SORBS2: variants seen among roughly 807,000 people sequenced by gnomAD.
SORBS2 encodes sorbin and SH3 domain-containing protein 2.
SORBS2 carries 46 observed loss-of-function variants against 97.7 expected under a neutral mutation model. The observed-to-expected ratio is 0.47, with a 90% CI of 0.37 to 0.60. SORBS2 has a LOEUF of 0.60. SORBS2 is among the 20% of genes least tolerant of loss of function. The probability of loss-of-function intolerance (pLI) is 0.00; values close to 1 mark genes in which losing one functional copy is unlikely to be tolerated. For missense variants in SORBS2, 1,316 were observed against 1,282.3 expected (o/e 1.03, Z -0.40); for synonymous variants, 476 against 473.4 (o/e 1.01, Z -0.07).
At position 185,792,854 on chromosome 4, in the gene SORBS2, G is replaced by A. The variant is rs373837660; in HGVS notation, c.-337-17488C>T. 1.3e-4 allele frequency among the ~76,000 whole-genome samples: 20 copies of A among 152,298 alleles called. No individual in the cohort carries two copies. The East Asian group carries it at 2.7e-3, about 21-fold the overall frequency. On this transcript the variant is annotated intron_variant, in intron 1 of 20. Transcript: ENST00000284776. ...GGCAGTCTAGAAAACTGTTGACAGT[G>A]CAGGGTTTGGAATGTGGCCGACTCA...
At chr4:185,935,790 T>A (rs1247222368) in intron 1 of SORBS2, among the ~76,000 whole-genome samples, 1 of 152,126 alleles carries the variant, frequency 6.6e-6, no homozygotes, top group Non-Finnish European at 1.5e-5. Flanking sequence ...CAGAGCATCA[T>A]GGGAGAATGT....
chr4:185,862,657 A>G (rs1200189136), intron 1 of SORBS2, among the ~76,000 whole-genome samples: 2 of 152,228 alleles, frequency 1.3e-5, no homozygotes. Flanking sequence ...AACAGTTAAT[A>G]GTATTTCACA....
intron 2 of SORBS2, chr4:185,773,865 A>T (rs936603514): frequency 5.9e-5 from 9 of 152,102 alleles, no homozygotes; most frequent in Non-Finnish European, 1.3e-4. Flanking sequence ...TGCCCATTTT[A>T]GGAAATACAT....
chr4:185,677,253 G>C (rs2097800816), intron 4 of SORBS2: 2 of 1,551,770 alleles, frequency 1.3e-6, no homozygotes. Flanking sequence ...AGTACTAATG[G>C]GGCTGCTACT....
At chr4:185,742,133 A>G (rs1435018354) in intron 2 of SORBS2, among the ~76,000 whole-genome samples, 1 of 152,188 alleles carries the variant, frequency 6.6e-6, no homozygotes, top group African/African-American at 2.4e-5. Context: ...TCTAGCTCTC[A>G]GGGGCCAGCC....
intron 1 of SORBS2, among the ~76,000 whole-genome samples, chr4:185,896,882 T>C (rs2099245298): frequency 7.4e-6 from 1 of 134,816 alleles, no homozygotes; most frequent in African/African-American, 2.7e-5. Flanking sequence ...AAATGCTGCT[T>C]ACACATGGCC....
At chr4:185,941,913 C>G (rs921219152) in intron 1 of SORBS2, among the ~76,000 whole-genome samples, 3 of 152,014 alleles carry the variant, frequency 2.0e-5, no homozygotes, top group Non-Finnish European at 4.4e-5. Context: ...GTGAGGAGAT[C>G]GAGACCAGCC....
chr4:185,747,030 C>T (rs1344779060), intron 2 of SORBS2, among the ~76,000 whole-genome samples: 4 of 152,258 alleles, frequency 2.6e-5, no homozygotes, highest in Admixed American at 6.5e-5. Context: ...CAGTGGCTCA[C>T]GCCTATGATG....
Position 185,607,401 on chromosome 4 carries a change from A to G in SORBS2, c.2796+4379T>C. ...TTAAGAAAAAATAAACTAAGAAAAT[A>G]ATAATAATGCATCAAAACATAGCGA... On this transcript the variant is annotated intron_variant, in intron 12 of 14. Coordinates refer to ENST00000418609, the Ensembl canonical transcript of SORBS2. The surrounding 1 kb of genome is among the most constrained non-coding windows in gnomAD (Gnocchi z 5.2). 1 of 978,832 alleles carries G rather than the reference A, an allele frequency of 1.0e-6. No individual in the cohort carries two copies. Among genetic ancestry groups the G allele is most frequent in the Non-Finnish European group, 1.4e-6 (1 of 707,358 alleles). 60.6% of individuals were successfully genotyped at this position (978,832 alleles called of 1,614,324 possible).
At chr4:185,835,154 C>T (rs758180519) in intron 1 of SORBS2, among the ~76,000 whole-genome samples, 25 of 152,124 alleles carry the variant, frequency 1.6e-4, no homozygotes, top group Non-Finnish European at 3.1e-4. Context: ...CTGAAGCCTC[C>T]GCAGAAGCAG....
chr4:185,661,089 A>G (rs1329902823), upstream of SORBS2, among the ~76,000 whole-genome samples: 1 of 150,028 alleles, frequency 6.7e-6, no homozygotes, highest in Non-Finnish European at 1.5e-5. Flanking sequence ...AACCTGGCCA[A>G]CATGGTGAAA....
At position 185,631,845 on chromosome 4, in the gene SORBS2, T is replaced by C. The variant is rs189608348; in HGVS notation, c.397-1247A>G. 8.1e-4 allele frequency among the ~76,000 whole-genome samples: 123 copies of C among 152,282 alleles called. 1 individual carries two copies. Among genetic ancestry groups the C allele is most frequent in the Admixed American group, 7.9e-3 (121 of 15,292 alleles). On this transcript the variant is annotated intron_variant, in intron 4 of 14. Coordinates refer to ENST00000418609, the Ensembl canonical transcript of SORBS2. ...TATAAAGAAAGTATAGGGAGATGTA[T>C]ACCAAGTATAGATAGTTTTGCCTTT...
chr4:185,838,316 C>T (rs2099209354), intron 1 of SORBS2, among the ~76,000 whole-genome samples: 1 of 152,260 alleles, frequency 6.6e-6, no homozygotes, highest in African/African-American at 2.4e-5. Flanking sequence ...CTCATCTCCT[C>T]ACGCTGTGGG....
intron 2 of SORBS2, among the ~76,000 whole-genome samples, chr4:185,744,469 C>G (rs1373998321): frequency 6.6e-6 from 1 of 152,152 alleles, no homozygotes; most frequent in East Asian, 1.9e-4. Flanking sequence ...CATCACGAAA[C>G]GAGATCTATG....
At chr4:185,723,595 AG>A (rs530929571) in intron 2 of SORBS2, among the ~76,000 whole-genome samples, 186 of 152,352 alleles carry the variant, frequency 1.2e-3, no homozygotes, top group Non-Finnish European at 2.0e-3. Context: ...TCATTTCCTT[AG>A]AGTAATTTCC....
At chr4:185,638,801 C>G in intron 4 of SORBS2, 76 bp downstream of exon 14, 2 of 1,352,780 alleles carry the variant, frequency 1.5e-6, no homozygotes, top group Non-Finnish European at 1.9e-6. Flanking sequence ...GTGGGAGTCG[C>G]CAGGCTCTGA....
chr4:185,879,017 G>A (rs1421322803), intron 1 of SORBS2, among the ~76,000 whole-genome samples: 1 of 152,074 alleles, frequency 6.6e-6, no homozygotes, highest in East Asian at 1.9e-4. Flanking sequence ...TTGTTTGTTT[G>A]TTTGTTTGTT....
At position 185,601,181 on chromosome 4, in the gene SORBS2, G is replaced by A. The variant is rs574695551; in HGVS notation, c.2797-7246C>T. 4.6e-5 allele frequency among the ~76,000 whole-genome samples: 7 copies of A among 152,272 alleles called. No homozygotes were observed. In the South Asian group the frequency reaches 1.0e-3, roughly 23 times the overall value. On this transcript the variant is annotated intron_variant, in intron 12 of 14. Transcript: ENST00000418609. Reference sequence around the variant, plus strand: ...CTCGGGATGAAATGTGTTTGGCACCGTTGCTTAAGTGTCGTGGCAGACGAT... The same window carrying A: ...CTCGGGATGAAATGTGTTTGGCACCATTGCTTAAGTGTCGTGGCAGACGAT...
In SORBS2 at chr4:185,619,140, T is replaced by A. The variant is rs187467152; in HGVS notation, c.2305-509A>T. 2.4e-3 allele frequency among the ~76,000 whole-genome samples: 372 copies of A among 152,288 alleles called. 1 individual carries two copies. The highest frequency in any genetic ancestry group is 8.4e-3 in the African/African-American group (349 of 41,560). On this transcript the variant is annotated intron_variant, in intron 8 of 14. Coordinates refer to ENST00000418609, the Ensembl canonical transcript of SORBS2. The stretch of plus-strand genomic sequence containing the variant: ...GCTGGTTAGTGGGCAAAAGTATAGG[T>A]GTGATCATCTTGCATTCCCTAGAGG...
Sources: allele counts gnomAD v4.1 joint callset (sites outside exome capture counted in the v4.1 genomes callset), GRCh38; gene constraint gnomAD v4.1.1; non-coding constraint Gnocchi (gnomAD v3.1); transcripts MANE v1.5; gene names NCBI Gene and HGNC (gene_info 2026-07-23, HGNC 2026-07-21).